SGK3: variants seen among roughly 807,000 people sequenced by gnomAD.
The protein encoded by SGK3 is serum/glucocorticoid regulated kinase family member 3.
A neutral mutation model predicts 68.5 loss-of-function variants in SGK3; 47 were observed. That is an observed-to-expected ratio of 0.69 (90% CI 0.54 to 0.87). The LOEUF is 0.87. Among genes scored for constraint, SGK3 ranks in the 40% least tolerant of loss-of-function variants. The pLI is 0.00. For missense variants in SGK3, 479 were observed against 575.5 expected, an observed-to-expected ratio of 0.83 and a Z score of 1.72; for synonymous variants, 181 against 189.1, an observed-to-expected ratio of 0.96 and a Z score of 0.35.
At chr8:66,851,736 A>G (rs1166529942) in intron 16 of SGK3, among the ~76,000 whole-genome samples, 2 of 152,168 alleles carry the variant, frequency 1.3e-5, no homozygotes, top group African/African-American at 4.8e-5. Context: ...TATACTATTA[A>G]CAGTGTTAGA....
At chr8:66,781,788 T>C (rs765473752) in intron 1 of SGK3, among the ~76,000 whole-genome samples, 1 of 152,180 alleles carries the variant, frequency 6.6e-6, no homozygotes, top group Non-Finnish European at 1.5e-5. Context: ...GGTGCTTAAA[T>C]AGAGATGTAG....
intron 1 of SGK3, among the ~76,000 whole-genome samples, chr8:66,790,181 A>G (rs1807384598): frequency 6.6e-6 from 1 of 152,210 alleles, no homozygotes; most frequent in South Asian, 2.1e-4. Flanking sequence ...CCACTGGTAA[A>G]TAAATTGTTG....
chr8:66,775,275 G>A (rs2130501489), intron 1 of SGK3: 1 of 152,514 alleles, frequency 6.6e-6, no homozygotes, highest in African/African-American at 2.4e-5. Flanking sequence ...GCGCAGCAGT[G>A]GCGGCGCTTC....
At chr8:66,857,797 G>GTA (rs934036535) in intron 16 of SGK3, among the ~76,000 whole-genome samples, 1 of 105,418 alleles carries the variant, frequency 9.5e-6, no homozygotes, top group Admixed American at 1.0e-4. Flanking sequence ...AAGTGTGTGT[G>GTA]TATGTGTGTG....
At chr8:66,719,075 C>T (rs1804725042) in intron 1 of SGK3, among the ~76,000 whole-genome samples, 1 of 151,802 alleles carries the variant, frequency 6.6e-6, no homozygotes. Flanking sequence ...AGACCCTATC[C>T]CCCCCAATAA....
At chr8:66,802,184 G>T (rs543862787) in intron 3 of SGK3, among the ~76,000 whole-genome samples, 123 of 151,836 alleles carry the variant, frequency 8.1e-4, no homozygotes, top group African/African-American at 2.8e-3. Flanking sequence ...GAGGGGCAAA[G>T]AAAAAAATAG....
intron 1 of SGK3, among the ~76,000 whole-genome samples, chr8:66,788,029 G>C (rs1807280509): frequency 6.6e-6 from 1 of 152,160 alleles, no homozygotes; most frequent in Non-Finnish European, 1.5e-5. Context: ...TCTCACTTCT[G>C]GCCGGTGCCA....
chr8:66,835,143 G>A (rs550809352), intron 8 of SGK3, among the ~76,000 whole-genome samples: 1 of 152,060 alleles, frequency 6.6e-6, no homozygotes, highest in South Asian at 2.1e-4. Flanking sequence ...GGTGGCACAC[G>A]CCTGTAGTCC....
At chr8:66,857,788 A>AGTGTGTGT (rs1244850448) in intron 16 of SGK3, among the ~76,000 whole-genome samples, 149 of 115,486 alleles carry the variant, frequency 1.3e-3, no homozygotes, top group Admixed American at 3.3e-3. Context: ...GTCTCAAAAA[A>AGTGTGTGT]GTGTGTGTGT....
intron 1 of SGK3, among the ~76,000 whole-genome samples, chr8:66,752,593 TG>T (rs1301412071): frequency 3.4e-5 from 5 of 148,368 alleles, no homozygotes; most frequent in East Asian, 2.0e-4. Flanking sequence ...TGTGAAAAAC[TG>T]GGGGGGTGGG....
intron 4 of SGK3, among the ~76,000 whole-genome samples, chr8:66,805,498 C>T (rs1055461971): frequency 2.8e-5 from 4 of 141,076 alleles, no homozygotes; most frequent in Non-Finnish European, 4.5e-5. Flanking sequence ...CCAGCCTGGG[C>T]GACAGAGCGA....
chr8:66,775,149 G>C (rs1806647325), intron 1 of SGK3: 1 of 152,396 alleles, frequency 6.6e-6, no homozygotes, highest in African/African-American at 2.4e-5. Context: ...GGCCGGTGGT[G>C]ATTGGTGAGG....
At chr8:66,757,786 G>A (rs554494989) in intron 1 of SGK3, among the ~76,000 whole-genome samples, 1 of 150,766 alleles carries the variant, frequency 6.6e-6, no homozygotes, top group Non-Finnish European at 1.5e-5. Context: ...ATGGTGGCGG[G>A]CACCTGTAAT....
At position 66,847,188 on chromosome 8, in the gene SGK3, T is replaced by G. The variant is rs768489663; in HGVS notation, c.1075-5T>G. 1 of 1,584,610 alleles carries G rather than the reference T, an allele frequency of 6.3e-7. No individual in the cohort carries two copies. The highest frequency in any genetic ancestry group is 2.2e-5 in the East Asian group (1 of 44,692). ...TAAGTTTATTTTGCTTTTTTTTTTT[T>G]CCAGCCTCCTTTTTATTGCCGAGAT... On this transcript the variant is annotated splice_region_variant and splice_polypyrimidine_tract_variant and intron_variant, in intron 14 of 16. Coordinates refer to ENST00000521198, the MANE Select transcript of SGK3 (RefSeq NM_001033578.3).
intron 6 of SGK3, among the ~76,000 whole-genome samples, chr8:66,827,938 A>C (rs1327157984): frequency 6.6e-6 from 1 of 152,098 alleles, no homozygotes; most frequent in Non-Finnish European, 1.5e-5. Context: ...CCTGGCTAAC[A>C]CTGTGAAACC....
chr8:66,796,321 A>ATTTTTTTTTTTTTT lies in SGK3; in HGVS notation c.97-2203_97-2190dup, dbSNP rs71249408. Among the ~76,000 whole-genome samples, 8 of 41,362 alleles carry ATTTTTTTTTTTTTT rather than the reference A, an allele frequency of 1.9e-4. 1 individual carries two copies. Among genetic ancestry groups the ATTTTTTTTTTTTTT allele is most frequent in the South Asian group, 1.6e-3 (1 of 622 alleles). The allele number at this position is 41,362 out of a possible 152,430, so 27.1% of individuals were successfully genotyped here. ...CCAGCTAATTTTTTGTATTTTTTGT[A>ATTTTTTTTTTTTTT]TTTTTTTTTTTTTTTTTTTTTTTTT... On this transcript the variant is annotated intron_variant, in intron 2 of 16. Coordinates refer to ENST00000521198, the MANE Select transcript of SGK3 (RefSeq NM_001033578.3).
chr8:66,774,247 A>C (rs866326454), intron 1 of SGK3, among the ~76,000 whole-genome samples: 1 of 152,050 alleles, frequency 6.6e-6, no homozygotes, highest in Non-Finnish European at 1.5e-5. Flanking sequence ...TATTTTCTGA[A>C]ATTTTTGTAA....
At chr8:66,806,307 G>A (rs541860875) in intron 4 of SGK3, among the ~76,000 whole-genome samples, 7 of 151,600 alleles carry the variant, frequency 4.6e-5, no homozygotes, top group African/African-American at 7.3e-5. Context: ...TTTTATTGGC[G>A]AACAGTGGCA....
chr8:66,796,983 A>G (rs1270920052), intron 2 of SGK3, among the ~76,000 whole-genome samples: 1 of 151,132 alleles, frequency 6.6e-6, no homozygotes, highest in Non-Finnish European at 1.5e-5. Context: ...TAAGGATTTG[A>G]ATAGTTTTTT....
Sources: allele counts gnomAD v4.1 joint callset (sites outside exome capture counted in the v4.1 genomes callset), GRCh38; gene constraint gnomAD v4.1.1; transcripts MANE v1.5; gene names NCBI Gene and HGNC (gene_info 2026-07-23, HGNC 2026-07-21).